The following ANKRD13A variants were observed in gnomAD, a reference collection of about 807,000 sequenced individuals.
The protein encoded by ANKRD13A is ankyrin repeat domain-containing protein 13A.
Under a neutral mutation model 81.3 loss-of-function variants are expected in ANKRD13A, and 48 were observed. That is an observed-to-expected ratio of 0.59 (90% CI 0.47 to 0.75). ANKRD13A has a LOEUF of 0.75. ANKRD13A is among the 30% of genes least tolerant of loss of function. The probability of loss-of-function intolerance (pLI) is 0.00; values close to 1 mark genes in which losing one functional copy is unlikely to be tolerated. For missense variants in ANKRD13A, 612 were observed against 734.0 expected, an observed-to-expected ratio of 0.83 and a Z score of 1.92; for synonymous variants, 230 against 270.1, an observed-to-expected ratio of 0.85 and a Z score of 1.45.
chr12:110,037,845 G>T lies in ANKRD13A; in HGVS notation c.*291G>T. 8.1e-6 allele frequency: 2 copies of T among 247,586 alleles called. No individual in the cohort carries two copies. Among genetic ancestry groups the T allele is most frequent in the South Asian group, 1.2e-4 (1 of 8,282 alleles). 15.3% of individuals were successfully genotyped at this position (247,586 alleles called of 1,614,324 possible). ...CTTGCAGGTCACATTTTTACTACCA[G>T]CTTTAGACAAAACCCCAATCCCCGC... On this transcript the variant is annotated 3_prime_UTR_variant, in exon 15 of 15. Coordinates refer to ENST00000261739, the MANE Select transcript of ANKRD13A (RefSeq NM_033121.2).
At chr12:110,015,327 T>G (rs988367418) in intron 3 of ANKRD13A, among the ~76,000 whole-genome samples, 1 of 152,206 alleles carries the variant, frequency 6.6e-6, no homozygotes, top group African/African-American at 2.4e-5. Context: ...AGGAAGCACT[T>G]GCCAGCACAC....
At chr12:110,033,628 A>G (rs771430777) in intron 12 of ANKRD13A, among the ~76,000 whole-genome samples, 169 bp from the exon 13 acceptor site, 2 of 152,098 alleles carry the variant, frequency 1.3e-5, no homozygotes, top group Non-Finnish European at 2.9e-5. Flanking sequence ...AAAAAGCTGT[A>G]TTCTGTCACT....
chr12:110,014,150 C>T (rs928245836), intron 3 of ANKRD13A, among the ~76,000 whole-genome samples: 2 of 152,102 alleles, frequency 1.3e-5, no homozygotes, highest in Non-Finnish European at 1.5e-5. Flanking sequence ...TGGTGGCTCA[C>T]GCCTATAATG....
At position 110,018,137 on chromosome 12, in the gene ANKRD13A, T is replaced by C. The variant is rs1472332112; in HGVS notation, c.401-208T>C. 1.3e-5 allele frequency among the ~76,000 whole-genome samples: 2 copies of C among 152,150 alleles called. No homozygotes were observed. The highest frequency in any genetic ancestry group is 4.8e-5 in the African/African-American group (2 of 41,438). ...ATACTCTTGGGAAATTTATTTAGAC[T>C]TTTTTTCTGGTGAATGGAATGGAAG... On this transcript the variant is annotated intron_variant, in intron 4 of 14. Transcript: ENST00000261739. This position sits in a 1 kb window ranked among gnomAD's most constrained non-coding sequence, Gnocchi z 4.4.
rs914801976 is a variant in ANKRD13A, at chr12:110,033,799, T to C, written c.1351T>C (p.Ser451Pro). The C allele has an allele frequency of 6.3e-7, 1 of 1,597,326 alleles. No individual in the cohort carries two copies. The highest frequency in any genetic ancestry group is 1.3e-5 in the African/African-American group (1 of 74,536). Residue 451 changes from serine to proline, a missense_variant and splice_region_variant, in exon 13 of 15, where the codon TCC (serine) becomes CCC (proline). Transcript: ENST00000261739. ...TGGACGGTTGCCTTTTGTTTCAGCT[T>C]CCCACATCACAAACTTTGAGGTTGA... ...NVEGTQADSASHITNFEVDQS... is the reference protein window; with the variant it reads ...NVEGTQADSAPHITNFEVDQS...
In ANKRD13A at chr12:110,037,906, C is replaced by T. The variant is rs1034134696; in HGVS notation, c.*352C>T. 1.0e-4 allele frequency: 18 copies of T among 178,120 alleles called. No homozygotes were observed. The Admixed American group carries it at 1.0e-3, about 10-fold the overall frequency. 11.0% of individuals were successfully genotyped at this position (178,120 alleles called of 1,614,324 possible). A position where few individuals can be genotyped will look rare whatever the true frequency, so the allele number is the denominator to read the frequency against. ...ATAAATTTTTATCAAGGAGTGATAA[C>T]AAGACAAGTTATTGCAGAGTCAGGG... On this transcript the variant is annotated 3_prime_UTR_variant, in exon 15 of 15. Coordinates refer to ENST00000261739, the MANE Select transcript of ANKRD13A (RefSeq NM_033121.2).
intron 1 of ANKRD13A, among the ~76,000 whole-genome samples, chr12:110,001,906 A>G (rs1463457912): frequency 6.6e-6 from 1 of 152,208 alleles, no homozygotes; most frequent in Non-Finnish European, 1.5e-5. Context: ...GACATGGTAC[A>G]GAGGTAAAAA....
intron 6 of ANKRD13A, among the ~76,000 whole-genome samples, chr12:110,020,708 A>T (rs930185279): frequency 2.0e-5 from 3 of 152,238 alleles, no homozygotes; most frequent in Non-Finnish European, 4.4e-5. Context: ...CTCTGTTCAT[A>T]ACCCCAGAAG....
chr12:110,035,334 G>C (rs780306030), intron 13 of ANKRD13A, among the ~76,000 whole-genome samples: 1 of 152,214 alleles, frequency 6.6e-6, no homozygotes, highest in Non-Finnish European at 1.5e-5. Flanking sequence ...GCTGGGTGCA[G>C]TGGCTCATGC....
chr12:110,025,966 T>C (rs914360223), intron 8 of ANKRD13A, 143 bp downstream of exon 8: 72 of 334,078 alleles, frequency 2.2e-4, no homozygotes, highest in South Asian at 3.7e-4. Flanking sequence ...CTCTCTCTCT[T>C]TTTTTTTTTT....
intron 3 of ANKRD13A, among the ~76,000 whole-genome samples, chr12:110,013,648 G>C (rs1379730458): frequency 6.6e-6 from 1 of 152,066 alleles, no homozygotes; most frequent in African/African-American, 2.4e-5. Flanking sequence ...GTGCATACCT[G>C]TAGTCTGAGC....
At chr12:110,007,239 C>T (rs1330438605) in intron 1 of ANKRD13A, among the ~76,000 whole-genome samples, 2 of 152,136 alleles carry the variant, frequency 1.3e-5, no homozygotes, top group Admixed American at 6.5e-5. Context: ...AAAAAGCCAG[C>T]TGAGATTTTG....
chr12:110,003,414 C>T (rs1298587572), intron 1 of ANKRD13A, among the ~76,000 whole-genome samples: 1 of 152,246 alleles, frequency 6.6e-6, no homozygotes, highest in Non-Finnish European at 1.5e-5. Flanking sequence ...CTGCTCTCCT[C>T]ATGTGCCCCC....
intron 4 of ANKRD13A, 91 bp downstream of exon 4, chr12:110,016,524 ATT>A: frequency 4.8e-6 from 6 of 1,240,824 alleles, no homozygotes; most frequent in South Asian, 1.7e-5. Flanking sequence ...AGTTACATGT[ATT>A]TTTTTTTAGT....
chr12:110,013,459 C>T (rs187259001), intron 3 of ANKRD13A, among the ~76,000 whole-genome samples: 77 of 152,290 alleles, frequency 5.1e-4, no homozygotes, highest in African/African-American at 1.8e-3. Context: ...ACTGGGCTTA[C>T]CCTTTTAAGT....
intron 11 of ANKRD13A, among the ~76,000 whole-genome samples, 182 bp downstream of exon 11, chr12:110,029,817 T>C (rs1448363575): frequency 1.3e-5 from 2 of 152,196 alleles, no homozygotes; most frequent in Non-Finnish European, 2.9e-5. Context: ...GATTAGTGGT[T>C]CATTTTGTGT....
chr12:110,030,623 A>C (rs771850367), intron 11 of ANKRD13A, 22 bp from the exon 12 acceptor site: 1 of 1,457,192 alleles, frequency 6.9e-7, no homozygotes, highest in Non-Finnish European at 9.4e-7. Flanking sequence ...TTACTTATAA[A>C]AGTTTTTATT....
In ANKRD13A at chr12:110,012,093, G is replaced by T. The variant is rs1313649459; in HGVS notation, c.185G>T (p.Arg62Leu). The T allele has an allele frequency of 6.2e-7, 1 of 1,612,896 alleles. No homozygotes were observed. The highest frequency in any genetic ancestry group is 8.5e-7 in the Non-Finnish European group (1 of 1,179,034). ...GHLESARVLLRHKADVTKENR... is the reference protein window; with the variant it reads ...GHLESARVLLLHKADVTKENR... ...TTGGAATCTGCTCGAGTCTTACTCC[G>T]ACATAAAGCAGATGTGACAAAAGAA... is the stretch of plus-strand genomic sequence containing the variant. The change falls in exon 2 of 15, where the codon CGA (arginine) becomes CTA (leucine). Residue 62 changes from arginine (R) to leucine (L), a missense_variant. Transcript: ENST00000261739.
At chr12:110,020,015 A>G (rs973519063) in intron 6 of ANKRD13A, among the ~76,000 whole-genome samples, 1 of 152,222 alleles carries the variant, frequency 6.6e-6, no homozygotes, top group African/African-American at 2.4e-5. Flanking sequence ...AGTGGAGACC[A>G]CTGATCCGAG....
Sources: gnomAD v4.1 joint callset for allele counts (sites outside exome capture counted in the v4.1 genomes callset) on GRCh38, gnomAD v4.1.1 for gene constraint, Gnocchi (gnomAD v3.1) non-coding constraint, MANE v1.5 for transcripts, NCBI Gene and HGNC (gene_info 2026-07-23, HGNC 2026-07-21) for gene names.